Variants in PCDHGA2 observed in about 807,000 individuals in gnomAD.
PCDHGA2 encodes protocadherin gamma subfamily A, 2.
In PCDHGA2, 40 loss-of-function variants were observed where a neutral mutation model predicts 59.2. The observed-to-expected ratio is 0.68, with a 90% CI of 0.52 to 0.88. PCDHGA2 has a LOEUF of 0.88. Ranked by LOEUF, PCDHGA2 falls within the 40% of genes least tolerant of loss-of-function variation. The pLI is 0.00. For missense variants in PCDHGA2, 1,226 were observed against 1,204.0 expected, an observed-to-expected ratio of 1.02 and a Z score of -0.27; for synonymous variants, 560 against 526.0, an observed-to-expected ratio of 1.06 and a Z score of -0.89.
chr5:141,414,475 C>T (rs2095752413), intron 1 of PCDHGA2: 1 of 1,613,804 alleles, frequency 6.2e-7, no homozygotes, highest in Non-Finnish European at 8.5e-7. Flanking sequence ...TGGGGGAAGT[C>T]CTCCTCTATC....
chr5:141,344,977 A>T lies in PCDHGA2; in HGVS notation c.2424+3582A>T, dbSNP rs368613508. The T allele has an allele frequency of 3.1e-6, 5 of 1,613,940 alleles. No homozygotes were observed. The Admixed American group carries it at 6.7e-5, about 22-fold the overall frequency. On this transcript the variant is annotated intron_variant, in intron 1 of 3. Coordinates refer to ENST00000394576, the MANE Select transcript of PCDHGA2 (RefSeq NM_018915.4). ...CTAGATTATGAGGATGCCATGTTCTATGAAATTAAAATTGAAGCACAGGAT... is the reference window on the plus strand; with the variant it reads ...CTAGATTATGAGGATGCCATGTTCTTTGAAATTAAAATTGAAGCACAGGAT...
At chr5:141,420,687 G>T (rs2096517632) in intron 1 of PCDHGA2, among the ~76,000 whole-genome samples, 1 of 152,182 alleles carries the variant, frequency 6.6e-6, no homozygotes, top group South Asian at 2.1e-4. Flanking sequence ...TATCGGGACC[G>T]TATTATTTCC....
intron 1 of PCDHGA2, chr5:141,420,380 C>T (rs1343046478): frequency 7.7e-7 from 1 of 1,306,574 alleles, no homozygotes; most frequent in Non-Finnish European, 1.0e-6. Flanking sequence ...TCATAGAGTT[C>T]GCAAAATATA....
intron 1 of PCDHGA2, among the ~76,000 whole-genome samples, chr5:141,354,742 A>G (rs1561507163): frequency 6.6e-6 from 1 of 152,224 alleles, no homozygotes; most frequent in Non-Finnish European, 1.5e-5. Context: ...TGAAAACTGA[A>G]AAGAGGAAGA....
rs185704620 is a variant in PCDHGA2, at chr5:141,396,920, C to T, written c.2424+55525C>T. Among the ~76,000 whole-genome samples the T allele has an allele frequency of 3.3e-5, 5 of 152,316 alleles. No individual in the cohort carries two copies. In the East Asian group the frequency reaches 7.7e-4, roughly 23 times the overall value. ...TATTGGCACTTTGCAATTTTAAAAACTCGGATGAAAGTTGCCCTGGTAGGA... is the reference window on the plus strand; with the variant it reads ...TATTGGCACTTTGCAATTTTAAAAATTCGGATGAAAGTTGCCCTGGTAGGA... On this transcript the variant is annotated intron_variant, in intron 1 of 3. Transcript: ENST00000394576.
At chr5:141,369,149 A>T (rs955742773) in intron 1 of PCDHGA2, among the ~76,000 whole-genome samples, 2 of 152,224 alleles carry the variant, frequency 1.3e-5, no homozygotes, top group African/African-American at 4.8e-5. Flanking sequence ...ATGGCATGTT[A>T]TTGACCAGGG....
intron 2 of PCDHGA2, among the ~76,000 whole-genome samples, chr5:141,500,739 C>T (rs1199462920): frequency 6.6e-6 from 1 of 152,114 alleles, no homozygotes; most frequent in Non-Finnish European, 1.5e-5. Context: ...CAAAATTCTT[C>T]CCAAGTCATT....
chr5:141,431,560 C>T lies in PCDHGA2; in HGVS notation c.2425-63247C>T, dbSNP rs751276470. On this transcript the variant is annotated intron_variant, in intron 1 of 3. Coordinates refer to ENST00000394576, the MANE Select transcript of PCDHGA2 (RefSeq NM_018915.4). This position sits in a 1 kb window ranked among gnomAD's most constrained non-coding sequence, Gnocchi z 4.8. ...CGCAGCTGCTTGTAGTCAACGCTAC[C>T]GACCCTGACGAAGGAGTCAATGCGG... The T allele has an allele frequency of 6.2e-7, 1 of 1,614,104 alleles. No individual in the cohort carries two copies. The highest frequency in any genetic ancestry group is 1.7e-5 in the Admixed American group (1 of 60,036).
intron 1 of PCDHGA2, among the ~76,000 whole-genome samples, chr5:141,468,782 C>T (rs1280972843): frequency 2.0e-5 from 3 of 151,990 alleles, no homozygotes; most frequent in East Asian, 3.9e-4. Context: ...AGGAGAATGG[C>T]GTGAACCCGG....
At chr5:141,399,425 G>A (rs2093805755) in intron 1 of PCDHGA2, 1 of 1,613,990 alleles carries the variant, frequency 6.2e-7, no homozygotes. Context: ...TCCAGCATAA[G>A]CGTCATCCTA....
Position 141,490,795 on chromosome 5 carries a change from C to G in PCDHGA2, c.2425-4012C>G. The G allele has an allele frequency of 6.2e-7, 1 of 1,614,036 alleles. No homozygotes were observed. The highest frequency in any genetic ancestry group is 1.1e-5 in the South Asian group (1 of 91,084). Reference sequence around the variant, plus strand: ...CCCAGAGGATGGACGGATCTTTGCCCAGCGTACCTTTGACTATGAATTGCT... The same window carrying G: ...CCCAGAGGATGGACGGATCTTTGCCGAGCGTACCTTTGACTATGAATTGCT... On this transcript the variant is annotated intron_variant, in intron 1 of 3. Transcript: ENST00000394576. This position sits in a 1 kb window ranked among gnomAD's most constrained non-coding sequence, Gnocchi z 5.4.
At position 141,402,613 on chromosome 5, in the gene PCDHGA2, A is replaced by G. The variant is rs145557523; in HGVS notation, c.2424+61218A>G. Among the ~76,000 whole-genome samples the G allele has an allele frequency of 3.8e-3, 581 of 152,376 alleles. 6 individuals are homozygous for G. Among genetic ancestry groups the G allele is most frequent in the Admixed American group, 0.011 (170 of 15,298 alleles). The stretch of plus-strand genomic sequence containing the variant: ...AGATTGCTTTTGAAATACAAATGCA[A>G]GAAACAATTGGAGAAATCTAAAATC... On this transcript the variant is annotated intron_variant, in intron 1 of 3. Coordinates refer to ENST00000394576, the MANE Select transcript of PCDHGA2 (RefSeq NM_018915.4).
At chr5:141,371,910 T>C in intron 1 of PCDHGA2, 1 of 1,613,364 alleles carries the variant, frequency 6.2e-7, no homozygotes, top group South Asian at 1.1e-5. Flanking sequence ...GTCCTACGTG[T>C]CCGTGAGCGC....
chr5:141,491,379 A>G lies in PCDHGA2; in HGVS notation c.2425-3428A>G, dbSNP rs140150079. 423 of 1,613,968 alleles carry G rather than the reference A, an allele frequency of 2.6e-4. No homozygotes were observed. Among genetic ancestry groups the G allele is most frequent in the Non-Finnish European group, 3.0e-4 (359 of 1,179,986 alleles). On this transcript the variant is annotated intron_variant, in intron 1 of 3. Transcript: ENST00000394576. The surrounding 1 kb of genome is among the most constrained non-coding windows in gnomAD (Gnocchi z 6.9). ...CCCTAGTCACCTTCACCTTTCTGTC[A>G]GCGAAGTGCCTTCAGGGAAACGCAG...
chr5:141,399,902 C>T, intron 1 of PCDHGA2: 3 of 1,612,490 alleles, frequency 1.9e-6, no homozygotes, highest in Non-Finnish European at 8.5e-7. Context: ...GCCGTGGACG[C>T]AGACTCAGGA....
chr5:141,418,277 T>G, intron 1 of PCDHGA2: 2 of 1,614,026 alleles, frequency 1.2e-6, no homozygotes, highest in Non-Finnish European at 1.7e-6. Flanking sequence ...TGAAATAAAC[T>G]TAGAAATCAG....
rs1246027327 is a variant in PCDHGA2, at chr5:141,491,976, C to A, written c.2425-2831C>A. On this transcript the variant is annotated intron_variant, in intron 1 of 3. Transcript: ENST00000394576. This position sits in a 1 kb window ranked among gnomAD's most constrained non-coding sequence, Gnocchi z 6.9. ...ACTCAAAAAAGGCCGGGGCCTCCTT[C>A]GAGCTTCCGGTGAATTTCGGGCGAT... 3 of 800,708 alleles carry A rather than the reference C, an allele frequency of 3.7e-6. No individual in the cohort carries two copies. The Admixed American group carries it at 1.1e-4, about 30-fold the overall frequency. 49.6% of individuals were successfully genotyped at this position (800,708 alleles called of 1,614,324 possible).
intron 1 of PCDHGA2, chr5:141,352,795 G>A (rs1759110396): frequency 1.0e-6 from 1 of 954,294 alleles, no homozygotes; most frequent in Non-Finnish European, 1.5e-6. Context: ...TTTGAGACCA[G>A]CATAGCCAAG....
At chr5:141,362,021 C>G in intron 1 of PCDHGA2, 1 of 1,607,220 alleles carries the variant, frequency 6.2e-7, no homozygotes, top group Non-Finnish European at 8.5e-7. Flanking sequence ...GTGCGCACAG[C>G]GCGTGCCTTG....
Sources: allele counts gnomAD v4.1 joint callset (sites outside exome capture counted in the v4.1 genomes callset), GRCh38; gene constraint gnomAD v4.1.1; non-coding constraint Gnocchi (gnomAD v3.1); transcripts MANE v1.5; gene names NCBI Gene and HGNC (gene_info 2026-07-23, HGNC 2026-07-21).